The following KCNJ6 variants were observed in gnomAD, a reference collection of about 807,000 sequenced individuals.
KCNJ6 encodes the protein G protein-activated inward rectifier potassium channel 2.
In KCNJ6, 9 loss-of-function variants were observed where a neutral mutation model predicts 34.2. The ratio of observed to expected loss-of-function variants is 0.26; its 90% CI spans 0.16 to 0.46. The LOEUF (loss-of-function observed/expected upper bound fraction) is 0.46, where lower values mean the gene tolerates loss of function less well. Among genes scored for constraint, KCNJ6 ranks in the 20% least tolerant of loss-of-function variants. The probability of loss-of-function intolerance (pLI) is 1.00; values close to 1 mark genes in which losing one functional copy is unlikely to be tolerated. For missense variants in KCNJ6, 236 were observed against 531.3 expected, an observed-to-expected ratio of 0.44 and a Z score of 5.46; for synonymous variants, 196 against 207.1, an observed-to-expected ratio of 0.95 and a Z score of 0.46.
rs572750670 is a variant in KCNJ6, at chr21:37,783,066, GT to G, written c.25+57591del. ...AAAGACTGTCAAGCTCAAATCCTTA[GT>G]TTTACAGAGGAGGAGGCTGAGTTCT... On this transcript the variant is annotated intron_variant, in intron 2 of 3. Transcript: ENST00000609713. Among the ~76,000 whole-genome samples the G allele has an allele frequency of 1.8e-3, 267 of 152,266 alleles. 1 individual carries two copies. Among genetic ancestry groups the G allele is most frequent in the African/African-American group, 5.7e-3 (237 of 41,560 alleles).
intron 2 of KCNJ6, among the ~76,000 whole-genome samples, chr21:37,776,579 A>C (rs1486116461): frequency 6.6e-6 from 1 of 152,184 alleles, no homozygotes; most frequent in Admixed American, 6.5e-5. Context: ...ATTTTGTCAA[A>C]GGCCTTTTCT....
intron 2 of KCNJ6, among the ~76,000 whole-genome samples, chr21:37,789,636 C>A (rs1002793090): frequency 6.6e-6 from 1 of 152,200 alleles, no homozygotes; most frequent in Non-Finnish European, 1.5e-5. Flanking sequence ...TTAAGGTTAG[C>A]ATAGATGAGA....
chr21:37,877,669 C>A (rs2055685684), intron 1 of KCNJ6, among the ~76,000 whole-genome samples: 1 of 152,108 alleles, frequency 6.6e-6, no homozygotes, highest in Admixed American at 6.5e-5. Flanking sequence ...AGAAATACTG[C>A]TGCTCAACGT....
intron 2 of KCNJ6, among the ~76,000 whole-genome samples, chr21:37,802,576 G>T (rs2055274338): frequency 6.6e-6 from 1 of 152,178 alleles, no homozygotes; most frequent in Admixed American, 6.6e-5. Context: ...CTAGAAGTGA[G>T]AAGAGGCCAG....
At chr21:37,729,342 G>A (rs975904440) in intron 2 of KCNJ6, among the ~76,000 whole-genome samples, 2 of 152,020 alleles carry the variant, frequency 1.3e-5, no homozygotes, top group South Asian at 4.2e-4. Flanking sequence ...TTTGGGGGGG[G>A]GGGCAGGGTC....
rs1014726090 is a variant in KCNJ6, at chr21:37,623,372, T to A, written c.*1787A>T. The A allele has an allele frequency of 1.3e-5, 2 of 152,200 alleles. No homozygotes were observed. Among genetic ancestry groups the A allele is most frequent in the African/African-American group, 4.8e-5 (2 of 41,448 alleles). The allele number at this position is 152,200 out of a possible 1,614,324, so 9.4% of individuals were successfully genotyped here. A position where few individuals can be genotyped will look rare whatever the true frequency, so the allele number is the denominator to read the frequency against. ...GCTAGTTTGATCTCTTTGACCTCCA[T>A]GGTGCAGAGCCTCAAACTGAGCACA... On this transcript the variant is annotated 3_prime_UTR_variant, in exon 4 of 4. Coordinates refer to ENST00000609713, the MANE Select transcript of KCNJ6 (RefSeq NM_002240.5).
chr21:37,846,987 C>T (rs1223848928), intron 1 of KCNJ6, among the ~76,000 whole-genome samples: 1 of 152,150 alleles, frequency 6.6e-6, no homozygotes, highest in Non-Finnish European at 1.5e-5. Context: ...TGAGTGTTCT[C>T]TTAGTACAGC....
chr21:37,907,808 T>C (rs2055848831), intron 1 of KCNJ6, among the ~76,000 whole-genome samples: 1 of 152,232 alleles, frequency 6.6e-6, no homozygotes, highest in South Asian at 2.1e-4. Flanking sequence ...AATTCTTTCA[T>C]CTACTCTAAT....
intron 1 of KCNJ6, among the ~76,000 whole-genome samples, chr21:37,859,872 C>T (rs767015878): frequency 1.3e-5 from 2 of 152,122 alleles, no homozygotes; most frequent in Non-Finnish European, 2.9e-5. Context: ...TGCTAGAATG[C>T]CTGCATTTCA....
At chr21:37,656,538 G>T (rs913677500) in intron 3 of KCNJ6, among the ~76,000 whole-genome samples, 3 of 152,200 alleles carry the variant, frequency 2.0e-5, no homozygotes, top group Non-Finnish European at 2.9e-5. Context: ...CCGCATAGCA[G>T]CCTCCCTTGC....
At position 37,784,056 on chromosome 21, in the gene KCNJ6, G is replaced by A. The variant is rs184486239; in HGVS notation, c.25+56602C>T. 2.4e-3 allele frequency among the ~76,000 whole-genome samples: 363 copies of A among 152,298 alleles called. 1 individual carries two copies. The highest frequency in any genetic ancestry group is 7.9e-3 in the African/African-American group (329 of 41,576). On this transcript the variant is annotated intron_variant, in intron 2 of 3. Coordinates refer to ENST00000609713, the MANE Select transcript of KCNJ6 (RefSeq NM_002240.5). ...TTAGCCACTCAGTTTGGGGTATTTT[G>A]TTATAGTGACGTGAGCTGACTCCTA...
In KCNJ6 at chr21:37,859,482, T is replaced by C. The variant is rs939206652; in HGVS notation, c.-27-18773A>G. ...CCACAATTTTAACTATGGGCTTATA[T>C]TACTTTATATATATATATATATATA... On this transcript the variant is annotated intron_variant, in intron 1 of 3. Transcript: ENST00000609713. 7.3e-5 allele frequency among the ~76,000 whole-genome samples: 3 copies of C among 41,322 alleles called. No homozygotes were observed. In the Admixed American group the frequency reaches 7.7e-4, roughly 11 times the overall value. 27.1% of individuals were successfully genotyped at this position (41,322 alleles called of 152,430 possible).
At chr21:37,704,209 C>G (rs951044731) in intron 3 of KCNJ6, among the ~76,000 whole-genome samples, 1 of 142,416 alleles carries the variant, frequency 7.0e-6, no homozygotes, top group Non-Finnish European at 1.6e-5. Context: ...TTGACCCATC[C>G]GTGTCGGACC....
intron 1 of KCNJ6, among the ~76,000 whole-genome samples, chr21:37,845,837 C>T (rs2123583926): frequency 6.6e-6 from 1 of 152,306 alleles, no homozygotes; most frequent in East Asian, 1.9e-4. Context: ...TATTTCCACA[C>T]CCCTGCTCCA....
intron 1 of KCNJ6, among the ~76,000 whole-genome samples, chr21:37,907,034 G>T (rs2123650839): frequency 6.6e-6 from 1 of 152,304 alleles, no homozygotes; most frequent in South Asian, 2.1e-4. Flanking sequence ...ACTATATTTT[G>T]CACGTTAGAG....
chr21:37,798,453 A>G (rs1007332047), intron 2 of KCNJ6, among the ~76,000 whole-genome samples: 1 of 149,402 alleles, frequency 6.7e-6, no homozygotes, highest in African/African-American at 2.4e-5. Context: ...CAAGAGAAAG[A>G]AAACATATGC....
At chr21:37,840,840 G>T in intron 1 of KCNJ6, 131 bp from the exon 2 acceptor site, 1 of 574,128 alleles carries the variant, frequency 1.7e-6, no homozygotes, top group South Asian at 2.6e-5. Context: ...ATAATTAAAT[G>T]AATAAAAAAC....
In KCNJ6 at chr21:37,863,848, TTTTTTTTTTTTG is replaced by T. The variant is rs1170906179; in HGVS notation, c.-27-23151_-27-23140del. Among the ~76,000 whole-genome samples, 70 of 83,680 alleles carry T rather than the reference TTTTTTTTTTTTG, an allele frequency of 8.4e-4. 1 individual carries two copies. The East Asian group carries it at 0.017, about 20-fold the overall frequency. The allele number at this position is 83,680 out of a possible 152,430, so 54.9% of individuals were successfully genotyped here. On this transcript the variant is annotated intron_variant, in intron 1 of 3. Transcript: ENST00000609713. ...TTAAGCAATTTTAAAATATAAAGGT[TTTTTTTTTTTTG>T]TTTTTTTTTTTTTTTGGTGAAGAGA... is the stretch of plus-strand genomic sequence containing the variant.
intron 1 of KCNJ6, among the ~76,000 whole-genome samples, chr21:37,876,320 A>G (rs1056093154): frequency 6.6e-6 from 1 of 152,208 alleles, no homozygotes; most frequent in Non-Finnish European, 1.5e-5. Context: ...GGGTTAAGTA[A>G]CTTGCCAAAA....
Sources: gnomAD v4.1 joint callset for allele counts (sites outside exome capture counted in the v4.1 genomes callset) on GRCh38, gnomAD v4.1.1 for gene constraint, MANE v1.5 for transcripts, NCBI Gene and HGNC (gene_info 2026-07-23, HGNC 2026-07-21) for gene names.